SMG6: variants seen among roughly 807,000 people sequenced by gnomAD.
SMG6 encodes the protein SMG6 nonsense mediated mRNA decay factor, also known as telomerase-binding protein EST1A.
Under a neutral mutation model 142.2 loss-of-function variants are expected in SMG6, and 66 were observed. The observed-to-expected ratio is 0.46, with a 90% CI of 0.38 to 0.57. The LOEUF (loss-of-function observed/expected upper bound fraction) is 0.57. Ranked by LOEUF, SMG6 falls within the 20% of genes least tolerant of loss-of-function variation. The pLI, the probability that SMG6 is intolerant of heterozygous loss-of-function variation, is 0.00. For missense variants in SMG6, 1,793 were observed against 1,832.0 expected (o/e 0.98, Z 0.39); for synonymous variants, 779 against 702.4 (o/e 1.11, Z -1.72).
At position 2,087,789 on chromosome 17, in the gene SMG6, C is replaced by T. The variant is rs908098474; in HGVS notation, c.3358-1888G>A. On this transcript the variant is annotated intron_variant, in intron 13 of 18. Coordinates refer to ENST00000263073, the MANE Select transcript of SMG6 (RefSeq NM_017575.5). ...GCCTGGCAGGCAGCACGCACAGTGG[C>T]CTCCCTGCATCTCCAGCCTCTCACT... 4 of 985,744 alleles carry T rather than the reference C, an allele frequency of 4.1e-6. No homozygotes were observed. In the African/African-American group the frequency reaches 5.2e-5, roughly 13 times the overall value. The allele number at this position is 985,744 out of a possible 1,614,324, so 61.1% of individuals were successfully genotyped here. A position where few individuals can be genotyped will look rare whatever the true frequency, so the allele number is the denominator to read the frequency against.
chr17:2,293,841 C>T (rs1243046916), intron 4 of SMG6, among the ~76,000 whole-genome samples: 1 of 152,220 alleles, frequency 6.6e-6, no homozygotes, highest in African/African-American at 2.4e-5. Flanking sequence ...CACGGCATTA[C>T]ATTACCTTCA....
chr17:2,289,681 T>C (rs1455240471), intron 6 of SMG6, among the ~76,000 whole-genome samples: 1 of 151,840 alleles, frequency 6.6e-6, no homozygotes, highest in African/African-American at 2.4e-5. Context: ...GAGGCTGAGG[T>C]AGGTGGATCA....
intron 13 of SMG6, among the ~76,000 whole-genome samples, chr17:2,110,081 C>CAAAAAAAAAAAAA (rs57135671): frequency 1.1e-5 from 1 of 87,916 alleles, no homozygotes. Context: ...GATTCCATCT[C>CAAAAAAAAAAAAA]AAAAAAAAAA....
Position 2,065,647 on chromosome 17 carries a change from G to GC in SMG6, c.3867dup (p.Gln1290AlafsTer45). On this transcript the variant is annotated frameshift_variant, in exon 17 of 19. Coordinates refer to ENST00000263073, the MANE Select transcript of SMG6 (RefSeq NM_017575.5). LOFTEE classifies it high-confidence loss of function. ...CCCCCAGCCCGGTGGTCTGTCTCCT[G>GC]CCCCTTGGCCAGGCCGTCCAGCTCA... 1 of 1,613,500 alleles carries GC rather than the reference G, an allele frequency of 6.2e-7. No individual in the cohort carries two copies. Among genetic ancestry groups the GC allele is most frequent in the Non-Finnish European group, 8.5e-7 (1 of 1,179,988 alleles).
intron 16 of SMG6, among the ~76,000 whole-genome samples, chr17:2,067,991 C>G (rs2067997732): frequency 6.6e-6 from 1 of 152,158 alleles, no homozygotes; most frequent in African/African-American, 2.4e-5. Context: ...CCTGGGCCTC[C>G]CAATCATCTC....
chr17:2,257,071 G>A (rs2074199813), intron 8 of SMG6, among the ~76,000 whole-genome samples: 2 of 149,818 alleles, frequency 1.3e-5, no homozygotes, highest in African/African-American at 4.9e-5. Flanking sequence ...CACCTCCCAG[G>A]TTCAAGGGAT....
chr17:2,132,208 C>G (rs972620118), intron 13 of SMG6, among the ~76,000 whole-genome samples: 2 of 152,220 alleles, frequency 1.3e-5, no homozygotes, highest in Non-Finnish European at 2.9e-5. Context: ...TACTTCTTTG[C>G]TCTGTATCCC....
intron 8 of SMG6, among the ~76,000 whole-genome samples, chr17:2,246,608 A>C (rs774944704): frequency 1.3e-5 from 2 of 152,254 alleles, no homozygotes; most frequent in African/African-American, 4.8e-5. Flanking sequence ...TAACCTGTCT[A>C]TACAGCAAGG....
intron 13 of SMG6, among the ~76,000 whole-genome samples, chr17:2,119,681 A>T (rs889029194): frequency 5.9e-5 from 9 of 151,482 alleles, no homozygotes; most frequent in Non-Finnish European, 1.0e-4. Flanking sequence ...TTTTTTTTTG[A>T]GACGGAGTCT....
rs201241298 is a variant in SMG6 at position 2,299,635 on chromosome 17, A to G, written c.1118T>C (p.Met373Thr). ...GCCTTTGTCAGGCTTTCCTCTATCCATATCATCCCTGGCTGACCTCACCAT... is the reference window on the plus strand; with the variant it reads ...GCCTTTGTCAGGCTTTCCTCTATCCGTATCATCCCTGGCTGACCTCACCAT... ...SPMVRSARDD[M>T]DRGKPDKGLS... The change falls in exon 2 of 19, where the codon ATG (methionine) becomes ACG (threonine). Residue 373 changes from methionine (M) to threonine (T), a missense_variant. This residue lies in a region of SMG6 where 1,597 missense variants were observed against 1,584.6 expected (regional missense o/e 1.01). Transcript: ENST00000263073. This position sits in a 1 kb window ranked among gnomAD's most constrained non-coding sequence, Gnocchi z 4.3. 69 of 1,614,034 alleles carry G rather than the reference A, an allele frequency of 4.3e-5. No homozygotes were observed. The highest frequency in any genetic ancestry group is 5.3e-5 in the Non-Finnish European group (63 of 1,180,028).
intron 12 of SMG6, among the ~76,000 whole-genome samples, chr17:2,174,404 T>C (rs973470494): frequency 1.5e-4 from 23 of 152,006 alleles, no homozygotes; most frequent in Admixed American, 1.0e-3. Flanking sequence ...AAGGTGACAG[T>C]GGGGGAGAAA....
At chr17:2,107,325 C>T (rs992044321) in intron 13 of SMG6, among the ~76,000 whole-genome samples, 2 of 152,182 alleles carry the variant, frequency 1.3e-5, no homozygotes. Context: ...CAAATGGGGA[C>T]TGTCATTTCC....
chr17:2,282,888 T>G (rs979618494), intron 7 of SMG6, 29 bp from the exon 8 acceptor site: 5 of 1,607,720 alleles, frequency 3.1e-6, no homozygotes, highest in Non-Finnish European at 4.3e-6. Flanking sequence ...CATTAGCTCA[T>G]GGCCTGGTGT....
At chr17:2,183,384 G>A (rs989186804) in intron 12 of SMG6, among the ~76,000 whole-genome samples, 7 of 152,188 alleles carry the variant, frequency 4.6e-5, no homozygotes, top group Non-Finnish European at 1.0e-4. Flanking sequence ...GTACAAACAT[G>A]AACACACACA....
intron 9 of SMG6, among the ~76,000 whole-genome samples, chr17:2,241,185 T>C (rs1292799787): frequency 6.6e-6 from 1 of 152,174 alleles, no homozygotes; most frequent in Non-Finnish European, 1.5e-5. Context: ...CTTTACCTTT[T>C]TGACAACAGA....
intron 10 of SMG6, among the ~76,000 whole-genome samples, chr17:2,228,871 T>G (rs2151787011): frequency 6.6e-6 from 1 of 152,278 alleles, no homozygotes; most frequent in Middle Eastern, 3.4e-3. Context: ...GGGTGGTAGT[T>G]ACATGTGTGT....
rs139178412 is a variant in SMG6, at chr17:2,130,498, A to G, written c.3357+42160T>C. The stretch of plus-strand genomic sequence containing the variant: ...CAATTGCTCACTGGCTCAATGGAAC[A>G]GAACAGAGGACTAGGAAACAGGGAA... On this transcript the variant is annotated intron_variant, in intron 13 of 18. Transcript: ENST00000263073. 2.9e-3 allele frequency among the ~76,000 whole-genome samples: 435 copies of G among 152,070 alleles called. 3 individuals are homozygous for G. Among genetic ancestry groups the G allele is most frequent in the African/African-American group, 9.5e-3 (392 of 41,476 alleles).
intron 10 of SMG6, among the ~76,000 whole-genome samples, chr17:2,212,124 CT>C (rs1198305992): frequency 6.6e-6 from 1 of 152,216 alleles, no homozygotes; most frequent in Non-Finnish European, 1.5e-5. Context: ...GTATGGTTTA[CT>C]GCACTGGAAA....
intron 13 of SMG6, among the ~76,000 whole-genome samples, chr17:2,172,300 T>A (rs1362959014): frequency 2.5e-4 from 35 of 142,662 alleles, no homozygotes; most frequent in Admixed American, 2.4e-3. Flanking sequence ...CAGAGCTTTG[T>A]GGCGGAGGGG....
Sources: gnomAD v4.1 joint callset for allele counts (sites outside exome capture counted in the v4.1 genomes callset) on GRCh38, gnomAD v4.1.1 for gene constraint, gnomAD v4.1.1 regional missense constraint, Gnocchi (gnomAD v3.1) non-coding constraint, MANE v1.5 for transcripts, NCBI Gene and HGNC (gene_info 2026-07-23, HGNC 2026-07-21) for gene names.